MACROD2: variants seen among roughly 807,000 people sequenced by gnomAD.
MACROD2 encodes the protein mono-ADP ribosylhydrolase 2, also known as ADP-ribose glycohydrolase MACROD2.
MACROD2 carries 36 observed loss-of-function variants against 70.4 expected under a neutral mutation model. That is an observed-to-expected ratio of 0.51 (90% CI 0.39 to 0.68). The LOEUF is 0.68. Ranked by LOEUF, MACROD2 falls within the 30% of genes least tolerant of loss-of-function variation. The pLI, the probability that MACROD2 is intolerant of heterozygous loss-of-function variation, is 0.00. For missense variants in MACROD2, 496 were observed against 538.4 expected, an observed-to-expected ratio of 0.92 and a Z score of 0.78; for synonymous variants, 172 against 178.8, an observed-to-expected ratio of 0.96 and a Z score of 0.30.
At chr20:15,159,601 ACT>A (rs1002159392) in intron 5 of MACROD2, among the ~76,000 whole-genome samples, 9 of 147,298 alleles carry the variant, frequency 6.1e-5, no homozygotes, top group African/African-American at 2.3e-4. Flanking sequence ...TATTTCACAA[ACT>A]CTAATTATGT....
intron 6 of MACROD2, among the ~76,000 whole-genome samples, chr20:15,290,247 T>G (rs1277659657): frequency 6.6e-6 from 1 of 152,216 alleles, no homozygotes; most frequent in East Asian, 1.9e-4. Context: ...ATAAGAAGTA[T>G]CTATTGGGCA....
intron 5 of MACROD2, among the ~76,000 whole-genome samples, chr20:14,852,973 G>T (rs749009715): frequency 2.0e-5 from 3 of 152,118 alleles, no homozygotes; most frequent in Non-Finnish European, 4.4e-5. Context: ...AGAAGCAAAA[G>T]TAGCCCTTTA....
At chr20:13,996,253 C>T in intron 1 of MACROD2, 1 of 198,750 alleles carries the variant, frequency 5.0e-6, no homozygotes, top group South Asian at 9.4e-5. Flanking sequence ...CTCCGCGCTC[C>T]GTGCACCCTC....
At chr20:15,532,039 T>C (rs553788265) in intron 8 of MACROD2, among the ~76,000 whole-genome samples, 1 of 152,272 alleles carries the variant, frequency 6.6e-6, no homozygotes, top group African/African-American at 2.4e-5. Flanking sequence ...TGTAATAGAC[T>C]GGAGTGAATT....
chr20:15,845,204 A>G (rs559196471), intron 8 of MACROD2, among the ~76,000 whole-genome samples: 1 of 152,172 alleles, frequency 6.6e-6, no homozygotes, highest in African/African-American at 2.4e-5. Context: ...GGATTAAGGT[A>G]GATCCTAATT....
chr20:14,548,766 G>C (rs1217534271), intron 4 of MACROD2, among the ~76,000 whole-genome samples: 2 of 147,564 alleles, frequency 1.4e-5, no homozygotes, highest in African/African-American at 5.0e-5. Flanking sequence ...TTTTTTTTTA[G>C]ATTAGAATGC....
chr20:14,700,825 CT>C (rs745338830), intron 5 of MACROD2, among the ~76,000 whole-genome samples: 17 of 152,032 alleles, frequency 1.1e-4, no homozygotes, highest in Non-Finnish European at 1.9e-4. Context: ...ACTGGCACTG[CT>C]AGAGCTGTAG....
chr20:15,012,747 G>A (rs752568804), intron 5 of MACROD2, among the ~76,000 whole-genome samples: 9 of 152,222 alleles, frequency 5.9e-5, no homozygotes, highest in South Asian at 2.1e-4. Context: ...CCCGGTCTCC[G>A]GTTGTCTGCA....
At chr20:15,675,579 AT>A (rs1351100318) in intron 8 of MACROD2, among the ~76,000 whole-genome samples, 4 of 152,200 alleles carry the variant, frequency 2.6e-5, no homozygotes, top group Non-Finnish European at 5.9e-5. Context: ...ATTTTGAAAA[AT>A]TGTGAATGTT....
chr20:14,192,554 C>G (rs2081397260), intron 3 of MACROD2, among the ~76,000 whole-genome samples: 1 of 152,096 alleles, frequency 6.6e-6, no homozygotes, highest in South Asian at 2.1e-4. Context: ...CAGGACAGAT[C>G]TAGTTAGGCA....
intron 3 of MACROD2, among the ~76,000 whole-genome samples, chr20:14,212,222 A>G (rs2081576954): frequency 6.6e-6 from 1 of 152,288 alleles, no homozygotes; most frequent in East Asian, 1.9e-4. Flanking sequence ...CAGAGCATGT[A>G]AATGGCCTAC....
intron 5 of MACROD2, among the ~76,000 whole-genome samples, chr20:14,971,863 A>G (rs2074694823): frequency 6.6e-6 from 1 of 152,192 alleles, no homozygotes; most frequent in Non-Finnish European, 1.5e-5. Context: ...AGAGAAGGGA[A>G]AATGGAGCCG....
At chr20:16,004,016 G>A (rs924593268) in intron 15 of MACROD2, among the ~76,000 whole-genome samples, 10 of 152,190 alleles carry the variant, frequency 6.6e-5, no homozygotes, top group Admixed American at 2.6e-4. Flanking sequence ...GGTACTGCTG[G>A]TCCAGGGACC....
At chr20:15,783,057 T>C (rs1387023845) in intron 8 of MACROD2, among the ~76,000 whole-genome samples, 6 of 152,182 alleles carry the variant, frequency 3.9e-5, no homozygotes, top group African/African-American at 1.4e-4. Context: ...TAAATTTTCT[T>C]TTTTAGTTGC....
chr20:15,207,849 T>C (rs2076725296), intron 5 of MACROD2, among the ~76,000 whole-genome samples: 1 of 152,206 alleles, frequency 6.6e-6, no homozygotes, highest in Admixed American at 6.5e-5. Flanking sequence ...ATTTTTTCTT[T>C]GTTTTTAGTT....
chr20:14,736,423 G>A (rs111537841), intron 5 of MACROD2, among the ~76,000 whole-genome samples: 4 of 152,156 alleles, frequency 2.6e-5, no homozygotes, highest in African/African-American at 9.7e-5. Flanking sequence ...ACAACATTGT[G>A]AAAGTATACT....
intron 6 of MACROD2, among the ~76,000 whole-genome samples, chr20:15,419,778 T>A (rs908707392): frequency 6.6e-6 from 1 of 152,204 alleles, no homozygotes; most frequent in East Asian, 1.9e-4. Context: ...GTATGCAGAA[T>A]GTGCCTGATA....
At chr20:15,347,995 A>G (rs1158390794) in intron 6 of MACROD2, among the ~76,000 whole-genome samples, 1 of 152,166 alleles carries the variant, frequency 6.6e-6, no homozygotes, top group Non-Finnish European at 1.5e-5. Flanking sequence ...ACTACAACGT[A>G]CTCACCAACC....
intron 5 of MACROD2, among the ~76,000 whole-genome samples, chr20:15,123,192 G>A (rs1466607193): frequency 1.3e-5 from 2 of 152,148 alleles, no homozygotes; most frequent in East Asian, 3.9e-4. Flanking sequence ...TTTCCTGCTA[G>A]ACATGGACAA....
Sources: allele counts gnomAD v4.1 joint callset (sites outside exome capture counted in the v4.1 genomes callset), GRCh38; gene constraint gnomAD v4.1.1; transcripts MANE v1.5; gene names NCBI Gene and HGNC (gene_info 2026-07-23, HGNC 2026-07-21).